Variants in ZSWIM5 observed in about 807,000 individuals in gnomAD.
ZSWIM5 encodes zinc finger SWIM domain-containing protein 5.
ZSWIM5 carries 55 observed loss-of-function variants against 119.6 expected under a neutral mutation model. That is an observed-to-expected ratio of 0.46 (90% CI 0.37 to 0.58). The LOEUF is 0.58. ZSWIM5 is among the 20% of genes least tolerant of loss of function. The pLI, the probability that ZSWIM5 is intolerant of heterozygous loss-of-function variation, is 0.00. For missense variants in ZSWIM5, 1,193 were observed against 1,512.8 expected (o/e 0.79, Z 3.51); for synonymous variants, 537 against 606.9 (o/e 0.88, Z 1.69).
At chr1:45,147,142 T>C (rs1323842741) in intron 1 of ZSWIM5, among the ~76,000 whole-genome samples, 1 of 151,840 alleles carries the variant, frequency 6.6e-6, no homozygotes, top group African/African-American at 2.4e-5. Context: ...TGGTACAATA[T>C]TGGCTCACTG....
chr1:45,125,717 T>C (rs415536), intron 1 of ZSWIM5, among the ~76,000 whole-genome samples: 49,447 of 149,370 alleles, frequency 0.33, 9,346 homozygotes, highest in African/African-American at 0.52. Context: ...GAGCCGAGAT[T>C]GCGTCATTGC....
At chr1:45,106,030 T>G (rs1645473531) in intron 1 of ZSWIM5, among the ~76,000 whole-genome samples, 1 of 139,758 alleles carries the variant, frequency 7.2e-6, no homozygotes, top group Non-Finnish European at 1.5e-5. Context: ...GTCTGGGAGG[T>G]GAGGAGCGCC....
At chr1:45,042,457 G>A (rs1483008638) in intron 6 of ZSWIM5, among the ~76,000 whole-genome samples, 1 of 152,112 alleles carries the variant, frequency 6.6e-6, no homozygotes, top group Non-Finnish European at 1.5e-5. Context: ...AACTTCAGGT[G>A]GTGACACGGT....
intron 5 of ZSWIM5, among the ~76,000 whole-genome samples, chr1:45,049,332 T>C (rs1486661088): frequency 6.6e-6 from 1 of 152,094 alleles, no homozygotes; most frequent in Non-Finnish European, 1.5e-5. Context: ...GGAAGAATTA[T>C]GTAGAAATGA....
chr1:45,205,709 GC>G, intron 1 of ZSWIM5, 46 bp downstream of exon 1: 1 of 1,471,764 alleles, frequency 6.8e-7, no homozygotes. Context: ...AGAGGCACCC[GC>G]GGAAGAGGAG....
chr1:45,025,841 TG>T (rs1280997419), intron 11 of ZSWIM5, among the ~76,000 whole-genome samples: 2 of 152,228 alleles, frequency 1.3e-5, no homozygotes, highest in Non-Finnish European at 2.9e-5. Flanking sequence ...GACCTTAAGA[TG>T]GGTTTATTGG....
chr1:45,171,053 T>G (rs994775050), intron 1 of ZSWIM5, among the ~76,000 whole-genome samples: 5 of 152,134 alleles, frequency 3.3e-5, no homozygotes, highest in African/African-American at 1.2e-4. Context: ...ATCATACATT[T>G]TCACATCTAC....
intron 1 of ZSWIM5, among the ~76,000 whole-genome samples, chr1:45,177,061 G>T (rs1320824326): frequency 1.3e-5 from 2 of 152,054 alleles, no homozygotes; most frequent in African/African-American, 4.8e-5. Flanking sequence ...AGAAGAAAAG[G>T]GAATGATTAA....
At chr1:45,053,515 G>C (rs570298259) in intron 4 of ZSWIM5, among the ~76,000 whole-genome samples, 1 of 151,796 alleles carries the variant, frequency 6.6e-6, no homozygotes, top group African/African-American at 2.4e-5. Context: ...TAATCCCAGT[G>C]CTTTGGGAGG....
chr1:45,187,353 T>C (rs1646065172), intron 1 of ZSWIM5, among the ~76,000 whole-genome samples: 1 of 152,108 alleles, frequency 6.6e-6, no homozygotes, highest in Admixed American at 6.6e-5. Flanking sequence ...GGAGAAAGAC[T>C]AGTCATTTCA....
chr1:45,045,548 A>G (rs1340988896), intron 5 of ZSWIM5, among the ~76,000 whole-genome samples: 3 of 152,186 alleles, frequency 2.0e-5, no homozygotes, highest in Non-Finnish European at 2.9e-5. Flanking sequence ...TAGCACTGAC[A>G]GTATTTACTG....
In ZSWIM5 at chr1:45,017,534, G is replaced by A. The variant is rs1644861710; in HGVS notation, c.*920C>T. On this transcript the variant is annotated 3_prime_UTR_variant, in exon 14 of 14. Transcript: ENST00000359600. ...AATATATATGTGCACAAACAGGCAT[G>A]CACAGATGTATCTATGTACATACAC... The A allele has an allele frequency of 6.7e-6, 1 of 150,240 alleles. No homozygotes were observed. Among genetic ancestry groups the A allele is most frequent in the Non-Finnish European group, 1.5e-5 (1 of 67,500 alleles). The allele number at this position is 150,240 out of a possible 1,614,324, so 9.3% of individuals were successfully genotyped here.
At chr1:45,107,265 G>A (rs557184401) in intron 1 of ZSWIM5, among the ~76,000 whole-genome samples, 4 of 152,144 alleles carry the variant, frequency 2.6e-5, no homozygotes, top group Non-Finnish European at 5.9e-5. Context: ...AACATTTCGT[G>A]TATAAAAAAG....
chr1:45,088,535 A>G lies in ZSWIM5; in HGVS notation c.596-298T>C, dbSNP rs993226587. 6.6e-6 allele frequency among the ~76,000 whole-genome samples: 1 copy of G among 152,146 alleles called. No homozygotes were observed. Among genetic ancestry groups the G allele is most frequent in the Non-Finnish European group, 1.5e-5 (1 of 68,018 alleles). ...CTGGGGGTGGGGATAGTTCATAGCTATCATCATAGTCTCAGAAAGACTAAT... is the reference window on the plus strand; with the variant it reads ...CTGGGGGTGGGGATAGTTCATAGCTGTCATCATAGTCTCAGAAAGACTAAT... On this transcript the variant is annotated intron_variant, in intron 1 of 13. Transcript: ENST00000359600. This position sits in a 1 kb window ranked among gnomAD's most constrained non-coding sequence, Gnocchi z 4.2.
chr1:45,184,428 G>T (rs971843741), intron 1 of ZSWIM5, among the ~76,000 whole-genome samples: 3 of 152,096 alleles, frequency 2.0e-5, no homozygotes, highest in Admixed American at 2.0e-4. Flanking sequence ...GAAATAAAGG[G>T]TATTCAATTA....
intron 1 of ZSWIM5, among the ~76,000 whole-genome samples, chr1:45,196,384 CTTTTTT>C (rs767673983): frequency 7.9e-5 from 6 of 76,384 alleles, no homozygotes; most frequent in Middle Eastern, 0.019. Context: ...CCCACAATTC[CTTTTTT>C]TTTTTTTTTT....
Position 45,020,147 on chromosome 1 carries a change from C to A in ZSWIM5, c.2614G>T (p.Val872Leu). 6.2e-7 allele frequency: 1 copy of A among 1,614,140 alleles called. No homozygotes were observed. Among genetic ancestry groups the A allele is most frequent in the Non-Finnish European group, 8.5e-7 (1 of 1,179,998 alleles). Residue 872 changes from valine (V) to leucine (L), a missense_variant and splice_region_variant, in exon 13 of 14, where the codon GTG (valine) becomes TTG (leucine). Transcript: ENST00000359600. The part of the protein sequence containing the change: ...LNVALELGLQ[V>L]MRMTLSTLNW... The stretch of plus-strand genomic sequence containing the variant: ...AGGGTTGATAAGGTCATCCGCATCA[C>A]CTGGGCACAAAAGAGGCCTTTCCAG...
intron 1 of ZSWIM5, among the ~76,000 whole-genome samples, chr1:45,142,806 T>C (rs1645735039): frequency 6.6e-6 from 1 of 151,786 alleles, no homozygotes; most frequent in Non-Finnish European, 1.5e-5. Context: ...ACTCGTTTCA[T>C]GATCCCAACA....
rs114052252 is a variant in ZSWIM5, at chr1:45,040,641, A to C, written c.1610-103T>G. 1.2e-3 allele frequency: 1,184 copies of C among 971,622 alleles called. 14 individuals carry two copies. The African/African-American group carries it at 0.018, about 15-fold the overall frequency. The allele number at this position is 971,622 out of a possible 1,614,324, so 60.2% of individuals were successfully genotyped here. ...GTATTCAGTCCAGTTCCTCAAATTCAACCTGACACCTACTGTATACCAGGA... is the reference window on the plus strand; with the variant it reads ...GTATTCAGTCCAGTTCCTCAAATTCCACCTGACACCTACTGTATACCAGGA... On this transcript the variant is annotated intron_variant, in intron 6 of 13. Transcript: ENST00000359600.
Sources: gnomAD v4.1 joint callset for allele counts (sites outside exome capture counted in the v4.1 genomes callset) on GRCh38, gnomAD v4.1.1 for gene constraint, Gnocchi (gnomAD v3.1) non-coding constraint, MANE v1.5 for transcripts, NCBI Gene and HGNC (gene_info 2026-07-23, HGNC 2026-07-21) for gene names.